Variants in CSMD3 observed in about 807,000 individuals in gnomAD.
CSMD3 encodes the protein CUB and Sushi multiple domains 3.
A neutral mutation model predicts 435.2 loss-of-function variants in CSMD3; 177 were observed. That is an observed-to-expected ratio of 0.41 (90% CI 0.36 to 0.46). The LOEUF (loss-of-function observed/expected upper bound fraction) is 0.46. Ranked by LOEUF, CSMD3 falls within the 20% of genes least tolerant of loss-of-function variation. CSMD3 has a pLI of 0.34. For synonymous variants in CSMD3, 1,656 were observed against 1,520.5 expected (o/e 1.09, Z -2.07); for missense variants, 4,265 against 4,504.6 (o/e 0.95, Z 1.52).
intron 4 of CSMD3, among the ~76,000 whole-genome samples, chr8:113,119,716 A>G (rs2090932227): frequency 1.3e-5 from 2 of 152,172 alleles, no homozygotes; most frequent in Non-Finnish European, 2.9e-5. Flanking sequence ...TTTGAATAGG[A>G]AAAATAGTTA....
intron 66 of CSMD3, among the ~76,000 whole-genome samples, chr8:112,240,555 A>G (rs1814020338): frequency 6.6e-6 from 1 of 152,152 alleles, no homozygotes; most frequent in African/African-American, 2.4e-5. Context: ...TCTAAACCTC[A>G]CTAAAATTAG....
At chr8:112,463,558 T>C (rs1817665173) in intron 32 of CSMD3, among the ~76,000 whole-genome samples, 1 of 152,192 alleles carries the variant, frequency 6.6e-6, no homozygotes, top group Non-Finnish European at 1.5e-5. Flanking sequence ...TTCTGAGTTT[T>C]TCCAAGTTAT....
chr8:112,937,242 T>G (rs1293256846), intron 9 of CSMD3, among the ~76,000 whole-genome samples: 2 of 152,174 alleles, frequency 1.3e-5, no homozygotes, highest in Non-Finnish European at 2.9e-5. Flanking sequence ...ATATTTTTTT[T>G]GTAAGAGCTA....
intron 1 of CSMD3, among the ~76,000 whole-genome samples, chr8:113,390,769 C>A (rs1053151593): frequency 1.3e-5 from 2 of 151,942 alleles, no homozygotes; most frequent in African/African-American, 4.8e-5. Flanking sequence ...TAAATAGGCA[C>A]TGTATTTTGG....
chr8:112,873,363 A>G (rs970600119), intron 10 of CSMD3, among the ~76,000 whole-genome samples: 6 of 152,070 alleles, frequency 3.9e-5, no homozygotes, highest in Non-Finnish European at 1.5e-5. Flanking sequence ...CTGGTTAATA[A>G]TTTGTAATTT....
chr8:112,342,999 A>ATT lies in CSMD3; in HGVS notation c.6443-1315_6443-1314dup, dbSNP rs1554647572. ...TATATATATATATTTATATATATATATTTATATATATATATATTTATATAT... is the reference window on the plus strand; with the variant it reads ...TATATATATATATTTATATATATATATTTTTATATATATATATATTTATATAT... On this transcript the variant is annotated intron_variant, in intron 41 of 70. Coordinates refer to ENST00000297405, the MANE Select transcript of CSMD3 (RefSeq NM_198123.2). Among the ~76,000 whole-genome samples, 58 of 24,442 alleles carry ATT rather than the reference A, an allele frequency of 2.4e-3. 1 individual carries two copies. The highest frequency in any genetic ancestry group is 6.6e-3 in the Non-Finnish European group (48 of 7,286). The allele number at this position is 24,442 out of a possible 152,430, so 16.0% of individuals were successfully genotyped here.
At position 112,572,043 on chromosome 8, in the gene CSMD3, A is replaced by G. The variant is rs534982590; in HGVS notation, c.4042+1458T>C. Among the ~76,000 whole-genome samples the G allele has an allele frequency of 3.3e-5, 5 of 152,174 alleles. No homozygotes were observed. In the South Asian group the frequency reaches 1.0e-3, roughly 32 times the overall value. On this transcript the variant is annotated intron_variant, in intron 24 of 70. Transcript: ENST00000297405. ...AGAAAGAGGACAGCATATTTAAAAA[A>G]AAAAAAGTTTGCCCATCTGAGCAGA... is the stretch of plus-strand genomic sequence containing the variant.
At chr8:112,434,397 T>C (rs1209883851) in intron 32 of CSMD3, among the ~76,000 whole-genome samples, 2 of 152,178 alleles carry the variant, frequency 1.3e-5, no homozygotes, top group Non-Finnish European at 2.9e-5. Flanking sequence ...TATGCTAATT[T>C]GCTATCATCA....
intron 23 of CSMD3, among the ~76,000 whole-genome samples, chr8:112,580,313 AAAC>A (rs570297893): frequency 1.4e-3 from 217 of 152,042 alleles, no homozygotes; most frequent in Non-Finnish European, 2.7e-3. Flanking sequence ...GAAAAAAATA[AAAC>A]AATCAGACCC....
At chr8:113,330,540 C>A (rs1588531247) in intron 1 of CSMD3, among the ~76,000 whole-genome samples, 2 of 151,756 alleles carry the variant, frequency 1.3e-5, no homozygotes, top group East Asian at 3.9e-4. Context: ...AATTATTATT[C>A]AAGAGACATA....
rs760019678 is a variant in CSMD3 at position 112,587,241 on chromosome 8, G to C, written c.3716-6C>G. ...TGCAGATGCACCACATTCAGCTGCA[G>C]GTAAAACAGAATATTGAAGTACAGT... On this transcript the variant is annotated splice_polypyrimidine_tract_variant and splice_region_variant and intron_variant, in intron 22 of 70. Coordinates refer to ENST00000297405, the MANE Select transcript of CSMD3 (RefSeq NM_198123.2). The C allele has an allele frequency of 6.9e-6, 11 of 1,601,204 alleles. No homozygotes were observed. Among genetic ancestry groups the C allele is most frequent in the Non-Finnish European group, 8.5e-6 (10 of 1,169,750 alleles).
intron 13 of CSMD3, among the ~76,000 whole-genome samples, chr8:112,691,285 T>A (rs2076131650): frequency 1.3e-5 from 2 of 152,170 alleles, no homozygotes; most frequent in South Asian, 4.1e-4. Flanking sequence ...AGACTTTTTT[T>A]ATCTATCAGG....
chr8:112,734,065 A>G (rs2077132838), intron 13 of CSMD3, among the ~76,000 whole-genome samples: 1 of 152,000 alleles, frequency 6.6e-6, no homozygotes, highest in South Asian at 2.1e-4. Context: ...TTAGAAACAC[A>G]TTATATTGAA....
chr8:112,425,864 C>CA lies in CSMD3; in HGVS notation c.5396-16833dup, dbSNP rs578236290. On this transcript the variant is annotated intron_variant, in intron 32 of 70. Coordinates refer to ENST00000297405, the MANE Select transcript of CSMD3 (RefSeq NM_198123.2). ...AATAAGAAAACAAATATTAAAGTAC[C>CA]AAAAAAAAGATGAAGTCATACATTC... is the stretch of plus-strand genomic sequence containing the variant. Among the ~76,000 whole-genome samples, 320 of 150,152 alleles carry CA rather than the reference C, an allele frequency of 2.1e-3. 1 individual carries two copies. The highest frequency in any genetic ancestry group is 7.0e-3 in the African/African-American group (288 of 40,950).
intron 3 of CSMD3, among the ~76,000 whole-genome samples, chr8:113,199,494 C>T (rs1407356255): frequency 6.6e-6 from 1 of 151,630 alleles, no homozygotes; most frequent in Middle Eastern, 3.2e-3. Flanking sequence ...ATTATAAGCT[C>T]TATTTAATAA....
At chr8:112,259,579 T>TA (rs1200909480) in intron 61 of CSMD3, among the ~76,000 whole-genome samples, 5 of 152,018 alleles carry the variant, frequency 3.3e-5, no homozygotes, top group African/African-American at 9.7e-5. Context: ...CCCCAGAACT[T>TA]AAAGTATAAT....
chr8:112,967,987 C>T (rs893079023), intron 7 of CSMD3, among the ~76,000 whole-genome samples: 2 of 151,750 alleles, frequency 1.3e-5, no homozygotes, highest in African/African-American at 4.8e-5. Flanking sequence ...GTAAGAATAG[C>T]ACTGTCATCT....
At chr8:112,869,488 G>A (rs2081072459) in intron 10 of CSMD3, among the ~76,000 whole-genome samples, 1 of 152,076 alleles carries the variant, frequency 6.6e-6, no homozygotes, top group African/African-American at 2.4e-5. Context: ...TTTCCTCAAG[G>A]ATCTAGAATG....
At chr8:112,238,125 A>G (rs1285318914) in intron 66 of CSMD3, among the ~76,000 whole-genome samples, 1 of 152,066 alleles carries the variant, frequency 6.6e-6, no homozygotes, top group Non-Finnish European at 1.5e-5. Context: ...AAGTCTACAC[A>G]GCTCCTGGGC....
Sources: allele counts gnomAD v4.1 joint callset (sites outside exome capture counted in the v4.1 genomes callset), GRCh38; gene constraint gnomAD v4.1.1; transcripts MANE v1.5; gene names NCBI Gene and HGNC (gene_info 2026-07-23, HGNC 2026-07-21).